The following PPP1R9B variants were observed in gnomAD, a reference collection of about 807,000 sequenced individuals.
PPP1R9B encodes the protein neurabin-2.
Under a neutral mutation model 75.8 loss-of-function variants are expected in PPP1R9B, and 17 were observed. The ratio of observed to expected loss-of-function variants is 0.22; its 90% CI spans 0.15 to 0.34. The LOEUF (loss-of-function observed/expected upper bound fraction) is 0.34, where lower values mean the gene tolerates loss of function less well. Among genes scored for constraint, PPP1R9B ranks in the 10% least tolerant of loss-of-function variants. PPP1R9B has a pLI of 1.00. For synonymous variants in PPP1R9B, 509 were observed against 535.4 expected, an observed-to-expected ratio of 0.95 and a Z score of 0.68; for missense variants, 875 against 1,196.0, an observed-to-expected ratio of 0.73 and a Z score of 3.96.
chr17:50,150,503 GTCT>G lies in PPP1R9B; in HGVS notation c.8_10del (p.Lys3del). ...GGGACCCCCGGGCCCCCGTGGCTCC[GTCT>G]TCATCATGGTGGGGGGAGCCGGGTT... On this transcript the variant is annotated inframe_deletion, in exon 1 of 10. Transcript: ENST00000612501. The surrounding 1 kb of genome is among the most constrained non-coding windows in gnomAD (Gnocchi z 8.7). 2 of 1,346,746 alleles carry G rather than the reference GTCT, an allele frequency of 1.5e-6. No individual in the cohort carries two copies. The highest frequency in any genetic ancestry group is 1.9e-6 in the Non-Finnish European group (2 of 1,046,846). The allele number at this position is 1,346,746 out of a possible 1,614,324, so 83.4% of individuals were successfully genotyped here.
rs1456231712 is a variant in PPP1R9B at position 50,142,312 on chromosome 17, T to A, written c.1626-939A>T. Among the ~76,000 whole-genome samples, 1 of 152,062 alleles carries A rather than the reference T, an allele frequency of 6.6e-6. No individual in the cohort carries two copies. Among genetic ancestry groups the A allele is most frequent in the Admixed American group, 6.5e-5 (1 of 15,276 alleles). On this transcript the variant is annotated intron_variant, in intron 3 of 9. Coordinates refer to ENST00000612501, the MANE Select transcript of PPP1R9B (RefSeq NM_032595.5). This position sits in a 1 kb window ranked among gnomAD's most constrained non-coding sequence, Gnocchi z 4.1. ...ACACGGAAATGGAGGAAATGGCCTA[T>A]TGTCAACAGCTCACCCCAACACATG...
chr17:50,149,406 G>A lies in PPP1R9B; in HGVS notation c.1108C>T (p.Arg370Trp). The A allele has an allele frequency of 3.1e-6, 5 of 1,612,036 alleles. No homozygotes were observed. The highest frequency in any genetic ancestry group is 4.2e-6 in the Non-Finnish European group (5 of 1,179,432). The change falls in exon 1 of 10, where the codon CGG (arginine) becomes TGG (tryptophan). Residue 370 changes from arginine to tryptophan, a missense_variant. Transcript: ENST00000612501. This position sits in a 1 kb window ranked among gnomAD's most constrained non-coding sequence, Gnocchi z 7.2. ...APPERGVGNG[R>W]APDVAPEEVD... ...TCCTCAGGGGCCACGTCCGGGGCCCGGCCATTGCCCACCCCCCTCTCTGGC... is the reference window on the plus strand; with the variant it reads ...TCCTCAGGGGCCACGTCCGGGGCCCAGCCATTGCCCACCCCCCTCTCTGGC...
chr17:50,149,005 G>A lies in PPP1R9B; in HGVS notation c.1371+138C>T, dbSNP rs532902387. On this transcript the variant is annotated intron_variant, in intron 1 of 9. Transcript: ENST00000612501. This position sits in a 1 kb window ranked among gnomAD's most constrained non-coding sequence, Gnocchi z 7.2. Reference sequence around the variant, plus strand: ...TGGAACTCCCCCACGCCCCCCTGAGGGTGGGAACTTCTGGGAAGGGGGCTG... The same window carrying A: ...TGGAACTCCCCCACGCCCCCCTGAGAGTGGGAACTTCTGGGAAGGGGGCTG... 9.0e-5 allele frequency: 53 copies of A among 587,044 alleles called. 1 individual carries two copies. The South Asian group carries it at 1.3e-3, about 14-fold the overall frequency. 36.4% of individuals were successfully genotyped at this position (587,044 alleles called of 1,614,324 possible).
At position 50,149,649 on chromosome 17, in the gene PPP1R9B, G is replaced by A. The variant is rs768167145; in HGVS notation, c.865C>T (p.Pro289Ser). 6 of 1,514,984 alleles carry A rather than the reference G, an allele frequency of 4.0e-6. No individual in the cohort carries two copies. The highest frequency in any genetic ancestry group is 2.0e-5 in the Admixed American group (1 of 49,630). 93.8% of individuals were successfully genotyped at this position (1,514,984 alleles called of 1,614,324 possible). A position where few individuals can be genotyped will look rare whatever the true frequency, so the allele number is the denominator to read the frequency against. ...PQHRVAPARP[P>S]PKPREVRKIK... ...TTGCGCACCTCCCGGGGCTTGGGGG[G>A]CGGCCGGGCAGGGGCCACTCGGTGC... is the stretch of plus-strand genomic sequence containing the variant. The change falls in exon 1 of 10, where the codon CCC (proline) becomes TCC (serine). Residue 289 changes from proline to serine, a missense_variant. By Grantham distance (74) the Pro-to-Ser change is moderately conservative. This residue lies in a region of PPP1R9B where 449 missense variants were observed against 475.0 expected (regional missense o/e 0.95). Coordinates refer to ENST00000612501, the MANE Select transcript of PPP1R9B (RefSeq NM_032595.5). This position sits in a 1 kb window ranked among gnomAD's most constrained non-coding sequence, Gnocchi z 7.2.
Position 50,149,394 on chromosome 17 carries a change from C to T in PPP1R9B, c.1120G>A (p.Val374Met). Residue 374 changes from valine to methionine, a missense_variant, in exon 1 of 10, where the codon GTG becomes ATG. By Grantham distance (21) the Val-to-Met change is conservative. Transcript: ENST00000612501. This position sits in a 1 kb window ranked among gnomAD's most constrained non-coding sequence, Gnocchi z 7.2. ...GATTCATCTACCTCCTCAGGGGCCACGTCCGGGGCCCGGCCATTGCCCACC... is the reference window on the plus strand; with the variant it reads ...GATTCATCTACCTCCTCAGGGGCCATGTCCGGGGCCCGGCCATTGCCCACC... The part of the protein sequence containing the change: ...RGVGNGRAPD[V>M]APEEVDESKK... 6.2e-7 allele frequency: 1 copy of T among 1,612,844 alleles called. No individual in the cohort carries two copies. Among genetic ancestry groups the T allele is most frequent in the Non-Finnish European group, 8.5e-7 (1 of 1,179,708 alleles).
At chr17:50,136,850 A>G (rs1047326653) in intron 7 of PPP1R9B, among the ~76,000 whole-genome samples, 79 of 151,546 alleles carry the variant, frequency 5.2e-4, no homozygotes, top group African/African-American at 1.7e-3. Flanking sequence ...CTTGCTCCCA[A>G]CTCCCAGCTT....
At chr17:50,143,458 C>G (rs1249246474) in intron 3 of PPP1R9B, 140 bp downstream of exon 3, 1 of 1,085,162 alleles carries the variant, frequency 9.2e-7, no homozygotes, top group East Asian at 2.6e-5. Context: ...GGCAGTGCTC[C>G]CCGAACATCT....
At chr17:50,146,838 T>C (rs1161290460) in intron 1 of PPP1R9B, among the ~76,000 whole-genome samples, 1 of 152,134 alleles carries the variant, frequency 6.6e-6, no homozygotes, top group Non-Finnish European at 1.5e-5. Context: ...GACAGGTGGG[T>C]GGGTCACCGG....
rs1436892049 is a variant in PPP1R9B at position 50,142,121 on chromosome 17, T to C, written c.1626-748A>G. Among the ~76,000 whole-genome samples the C allele has an allele frequency of 6.6e-6, 1 of 152,156 alleles. No homozygotes were observed. Among genetic ancestry groups the C allele is most frequent in the Non-Finnish European group, 1.5e-5 (1 of 68,018 alleles). The stretch of plus-strand genomic sequence containing the variant: ...CTGTCCCACACACACCTGATACAGG[T>C]GCACCTGCCGACACACTCCAGTTGT... On this transcript the variant is annotated intron_variant, in intron 3 of 9. Coordinates refer to ENST00000612501, the MANE Select transcript of PPP1R9B (RefSeq NM_032595.5). This position sits in a 1 kb window ranked among gnomAD's most constrained non-coding sequence, Gnocchi z 4.1.
Position 50,135,658 on chromosome 17 carries a change from A to G in PPP1R9B, c.2304-9T>C, listed in dbSNP as rs754943681. 13 of 1,597,514 alleles carry G rather than the reference A, an allele frequency of 8.1e-6. No individual in the cohort carries two copies. Among genetic ancestry groups the G allele is most frequent in the Non-Finnish European group, 1.0e-5 (12 of 1,170,952 alleles). On this transcript the variant is annotated splice_polypyrimidine_tract_variant and intron_variant, in intron 8 of 9. Coordinates refer to ENST00000612501, the MANE Select transcript of PPP1R9B (RefSeq NM_032595.5). ...TCAGGAACTCGATCTCCCTGGGCAC[A>G]GGCAAGGGACAGATGGCAGGTAAGG...
intron 1 of PPP1R9B, among the ~76,000 whole-genome samples, chr17:50,146,552 CT>C (rs1567730046): frequency 6.6e-6 from 1 of 152,178 alleles, no homozygotes; most frequent in Non-Finnish European, 1.5e-5. Context: ...TCCCCACCCC[CT>C]ACCAGAGAGG....
intron 8 of PPP1R9B, 26 bp downstream of exon 8, chr17:50,135,942 A>ACCCCCCC: frequency 1.1e-6 from 1 of 882,816 alleles, no homozygotes; most frequent in Non-Finnish European, 1.8e-6. Context: ...CCCTGGGCCC[A>ACCCCCCC]GCCCGCCCAG....
In PPP1R9B at chr17:50,150,585, G is replaced by A; in HGVS notation, c.-72C>T. The A allele has an allele frequency of 1.1e-5, 14 of 1,250,002 alleles. No homozygotes were observed. The highest frequency in any genetic ancestry group is 1.4e-5 in the Non-Finnish European group (14 of 997,312). The allele number at this position is 1,250,002 out of a possible 1,614,324, so 77.4% of individuals were successfully genotyped here. The stretch of plus-strand genomic sequence containing the variant: ...TTCAACAGGCGGCTGGCCAAGTCGG[G>A]ACCACCGCCCCCTCCCCCCGATAAA... On this transcript the variant is annotated 5_prime_UTR_variant, in exon 1 of 10. Transcript: ENST00000612501. The surrounding 1 kb of genome is among the most constrained non-coding windows in gnomAD (Gnocchi z 8.7).
Position 50,150,276 on chromosome 17 carries a change from G to C in PPP1R9B, c.238C>G (p.Leu80Val). 1 of 1,422,480 alleles carries C rather than the reference G, an allele frequency of 7.0e-7. No individual in the cohort carries two copies. Among genetic ancestry groups the C allele is most frequent in the South Asian group, 1.5e-5 (1 of 68,456 alleles). The allele number at this position is 1,422,480 out of a possible 1,614,324, so 88.1% of individuals were successfully genotyped here. Reference protein sequence around the residue: ...PSGEAGGGAGLAEAPRASERG... With the variant: ...PSGEAGGGAGVAEAPRASERG... ...TCGGACGCCCGTGGGGCCTCGGCCA[G>C]GCCCGCGCCGCCGCCCGCCTCGCCC... The change falls in exon 1 of 10, where the codon CTG (leucine) becomes GTG (valine). Residue 80 changes from leucine (L) to valine (V), a missense_variant. This residue lies in a region of PPP1R9B where 145 missense variants were observed against 226.1 expected (regional missense o/e 0.64). Transcript: ENST00000612501. The surrounding 1 kb of genome is among the most constrained non-coding windows in gnomAD (Gnocchi z 8.7).
chr17:50,141,284 G>T lies in PPP1R9B; in HGVS notation c.1715C>A (p.Thr572Asn). The stretch of plus-strand genomic sequence containing the variant: ...GGGCTCTCACCGCACTCGGCCCTTG[G>T]TGTTCCGGAGCACAGACGCCGCGAA... Reference protein sequence around the residue: ...QSFAASVLRNTKGRVRFMIGR... With the variant: ...QSFAASVLRNNKGRVRFMIGR... The change falls in exon 4 of 10, where the codon ACC (threonine) becomes AAC (asparagine). Residue 572 changes from threonine to asparagine, a missense_variant. By Grantham distance (65) the Thr-to-Asn change is moderately conservative (BLOSUM62 0). Coordinates refer to ENST00000612501, the MANE Select transcript of PPP1R9B (RefSeq NM_032595.5). The T allele has an allele frequency of 6.3e-7, 1 of 1,583,862 alleles. No individual in the cohort carries two copies. Among genetic ancestry groups the T allele is most frequent in the Non-Finnish European group, 8.6e-7 (1 of 1,166,104 alleles).
chr17:50,143,840 A>C (rs1912449398), intron 2 of PPP1R9B, 122 bp from the exon 3 acceptor site: 1 of 1,357,692 alleles, frequency 7.4e-7, no homozygotes, highest in Admixed American at 1.8e-5. Context: ...GATGTCCCAC[A>C]ACTGAAGAAG....
Position 50,150,338 on chromosome 17 carries a change from C to T in PPP1R9B, c.176G>A (p.Ser59Asn). 7.0e-7 allele frequency: 1 copy of T among 1,432,826 alleles called. No homozygotes were observed. Among genetic ancestry groups the T allele is most frequent in the Non-Finnish European group, 9.2e-7 (1 of 1,090,058 alleles). The allele number at this position is 1,432,826 out of a possible 1,614,324, so 88.8% of individuals were successfully genotyped here. ...KYGSNVHRIK[S>N]MFLQMGTTAG... is the part of the protein sequence containing the mutation. ...CGTCGTGCCCATCTGCAGGAACATA[C>T]TTTTGATGCGGTGGACGTTGGAGCC... Residue 59 changes from serine to asparagine, a missense_variant, in exon 1 of 10, where the codon AGT becomes AAT. Coordinates refer to ENST00000612501, the MANE Select transcript of PPP1R9B (RefSeq NM_032595.5). This position sits in a 1 kb window ranked among gnomAD's most constrained non-coding sequence, Gnocchi z 8.7.
chr17:50,145,965 C>G (rs1912508177), intron 1 of PPP1R9B: 1 of 153,102 alleles, frequency 6.5e-6, no homozygotes, highest in African/African-American at 2.4e-5. Flanking sequence ...CCTGCACACC[C>G]AGGCCGCTCT....
At position 50,141,255 on chromosome 17, in the gene PPP1R9B, CT is replaced by C; in HGVS notation, c.1730+13del. On this transcript the variant is annotated intron_variant, in intron 4 of 9. Coordinates refer to ENST00000612501, the MANE Select transcript of PPP1R9B (RefSeq NM_032595.5). ...TCCTGCCCGCTCCCACGCCCCACCCCTCTGGGCTCTCACCGCACTCGGCCCT... is the reference window on the plus strand; with the variant it reads ...TCCTGCCCGCTCCCACGCCCCACCCCCTGGGCTCTCACCGCACTCGGCCCT... 6 of 1,554,610 alleles carry C rather than the reference CT, an allele frequency of 3.9e-6. No homozygotes were observed. The highest frequency in any genetic ancestry group is 1.4e-5 in the African/African-American group (1 of 73,290).
Sources: gnomAD v4.1 joint callset for allele counts (sites outside exome capture counted in the v4.1 genomes callset) on GRCh38, gnomAD v4.1.1 for gene constraint, gnomAD v4.1.1 regional missense constraint, Gnocchi (gnomAD v3.1) non-coding constraint, MANE v1.5 for transcripts, NCBI Gene and HGNC (gene_info 2026-07-23, HGNC 2026-07-21) for gene names.